The following LRRTM4 variants were observed in gnomAD, a reference collection of about 807,000 sequenced individuals.
LRRTM4 encodes leucine-rich repeat transmembrane neuronal protein 4.
A neutral mutation model predicts 47.6 loss-of-function variants in LRRTM4; 25 were observed. The ratio of observed to expected loss-of-function variants is 0.53; its 90% CI spans 0.38 to 0.73. The LOEUF (loss-of-function observed/expected upper bound fraction) is 0.73, where lower values mean the gene tolerates loss of function less well. LRRTM4 is among the 30% of genes least tolerant of loss of function. LRRTM4 has a pLI of 0.00. For missense variants in LRRTM4, 638 were observed against 713.4 expected (o/e 0.89, Z 1.20); for synonymous variants, 311 against 269.5 (o/e 1.15, Z -1.51).
chr2:77,056,183 A>C (rs1283391365), intron 3 of LRRTM4, among the ~76,000 whole-genome samples: 1 of 114,928 alleles, frequency 8.7e-6, no homozygotes, highest in Non-Finnish European at 1.7e-5. Flanking sequence ...TAAAACTTAA[A>C]GTATAATAAT....
chr2:76,841,140 C>T (rs930486970), intron 3 of LRRTM4, among the ~76,000 whole-genome samples: 1 of 151,254 alleles, frequency 6.6e-6, no homozygotes, highest in African/African-American at 2.4e-5. Flanking sequence ...ATGGATGAAG[C>T]TGGAAACCAC....
intron 3 of LRRTM4, among the ~76,000 whole-genome samples, chr2:77,502,914 G>A (rs1284430795): frequency 6.6e-6 from 1 of 151,412 alleles, no homozygotes; most frequent in Non-Finnish European, 1.5e-5. Flanking sequence ...ATTGTCCAAG[G>A]AGAAAGAATG....
At chr2:76,838,610 T>C (rs748554736) in intron 3 of LRRTM4, among the ~76,000 whole-genome samples, 7 of 152,106 alleles carry the variant, frequency 4.6e-5, no homozygotes, top group Admixed American at 6.6e-5. Flanking sequence ...AATGCCATTC[T>C]CTACTTGAAG....
intron 3 of LRRTM4, among the ~76,000 whole-genome samples, chr2:77,507,064 T>C (rs566349567): frequency 1.7e-4 from 26 of 152,192 alleles, no homozygotes; most frequent in East Asian, 5.8e-4. Flanking sequence ...GGTAATTATT[T>C]TGATTATTTT....
rs73940279 is a variant in LRRTM4 at position 77,064,071 on chromosome 2, T to A, written c.1552-315155A>T. Among the ~76,000 whole-genome samples, 1,112 of 152,314 alleles carry A rather than the reference T, an allele frequency of 7.3e-3. 14 individuals carry two copies. The highest frequency in any genetic ancestry group is 0.022 in the African/African-American group (934 of 41,574). On this transcript the variant is annotated intron_variant, in intron 3 of 3. Coordinates refer to ENST00000409884, the MANE Select transcript of LRRTM4 (RefSeq NM_001134745.3). The stretch of plus-strand genomic sequence containing the variant: ...CAAGAAATTCTTATAAGTTGTTCCT[T>A]ATTTTTTTTAAAAATGTAACTATGC...
At chr2:77,447,650 G>A (rs902706286) in intron 3 of LRRTM4, among the ~76,000 whole-genome samples, 1 of 151,994 alleles carries the variant, frequency 6.6e-6, no homozygotes, top group Non-Finnish European at 1.5e-5. Context: ...CATTCAACAC[G>A]TATGCAACTG....
chr2:76,902,898 T>C (rs1483793654), intron 3 of LRRTM4, among the ~76,000 whole-genome samples: 1 of 152,224 alleles, frequency 6.6e-6, no homozygotes, highest in Non-Finnish European at 1.5e-5. Context: ...TTACCATTTC[T>C]TGGTGTGTTT....
intron 3 of LRRTM4, among the ~76,000 whole-genome samples, chr2:77,265,261 T>A (rs548963353): frequency 6.6e-6 from 1 of 152,254 alleles, no homozygotes; most frequent in East Asian, 1.9e-4. Context: ...TAGCTATGGT[T>A]TGAATGTGTC....
chr2:77,359,743 T>A lies in LRRTM4; in HGVS notation c.1551+158575A>T, dbSNP rs570506932. 3.2e-4 allele frequency among the ~76,000 whole-genome samples: 48 copies of A among 152,304 alleles called. 1 individual carries two copies. The South Asian group carries it at 9.3e-3, about 30-fold the overall frequency. The stretch of plus-strand genomic sequence containing the variant: ...ATTGCCTTAAGCCTAATTTTTTCTT[T>A]TCAACTAATAGATGTGGACAGTCAT... On this transcript the variant is annotated intron_variant, in intron 3 of 3. Transcript: ENST00000409884.
chr2:76,802,448 A>G (rs1675749772), intron 3 of LRRTM4, among the ~76,000 whole-genome samples: 2 of 152,134 alleles, frequency 1.3e-5, no homozygotes, highest in Admixed American at 6.6e-5. Flanking sequence ...AACAAAAATA[A>G]TTGATAAAAT....
intron 3 of LRRTM4, among the ~76,000 whole-genome samples, chr2:77,049,662 TTGAG>T (rs1487567808): frequency 6.6e-6 from 1 of 151,356 alleles, no homozygotes; most frequent in Admixed American, 6.6e-5. Flanking sequence ...GTTGACTTGC[TTGAG>T]TTTCTTATTT....
intron 3 of LRRTM4, among the ~76,000 whole-genome samples, chr2:77,295,655 C>T (rs1421417158): frequency 6.6e-6 from 1 of 152,112 alleles, no homozygotes; most frequent in Non-Finnish European, 1.5e-5. Flanking sequence ...TTGGTACTTT[C>T]TGAAGACTGA....
intron 3 of LRRTM4, among the ~76,000 whole-genome samples, chr2:76,908,923 G>A (rs1245148326): frequency 6.6e-6 from 1 of 152,164 alleles, no homozygotes; most frequent in African/African-American, 2.4e-5. Context: ...ACTGCCCAAG[G>A]TAATTGATAG....
At chr2:76,898,467 C>T (rs142189796) in intron 3 of LRRTM4, among the ~76,000 whole-genome samples, 196 of 149,052 alleles carry the variant, frequency 1.3e-3, no homozygotes, top group African/African-American at 4.7e-3. Context: ...GCAGGAGAAT[C>T]GCTTGAACCC....
chr2:76,807,913 T>A (rs897442612), intron 3 of LRRTM4, among the ~76,000 whole-genome samples: 2 of 145,618 alleles, frequency 1.4e-5, no homozygotes, highest in Middle Eastern at 3.4e-3. Flanking sequence ...TTCTTTCTTT[T>A]CTTTCCTTTC....
chr2:77,051,102 T>G (rs1408665246), intron 3 of LRRTM4, among the ~76,000 whole-genome samples: 1 of 151,958 alleles, frequency 6.6e-6, no homozygotes, highest in Non-Finnish European at 1.5e-5. Context: ...GGATATTTGG[T>G]AATGTCTGCA....
intron 3 of LRRTM4, among the ~76,000 whole-genome samples, chr2:77,320,768 GA>G (rs890231837): frequency 7.3e-5 from 11 of 151,670 alleles, no homozygotes; most frequent in Admixed American, 5.9e-4. Context: ...AATACACAGA[GA>G]AAAAAATGTA....
rs368994266 is a variant in LRRTM4, at chr2:77,346,722, T to C, written c.1551+171596A>G. Among the ~76,000 whole-genome samples, 73 of 152,180 alleles carry C rather than the reference T, an allele frequency of 4.8e-4. 1 individual carries two copies. In the South Asian group the frequency reaches 0.015, roughly 31 times the overall value. On this transcript the variant is annotated intron_variant, in intron 3 of 3. Coordinates refer to ENST00000409884, the MANE Select transcript of LRRTM4 (RefSeq NM_001134745.3). ...TTTAACATTGTTTAATTCCATGAAA[T>C]TTAACTAAGAATAGGGGTTTCATTA... is the stretch of plus-strand genomic sequence containing the variant.
chr2:77,320,525 A>G (rs114100471), intron 3 of LRRTM4, among the ~76,000 whole-genome samples: 5,169 of 152,288 alleles, frequency 0.034, 286 homozygotes, highest in African/African-American at 0.11. Context: ...TTAAATTAAG[A>G]AAGTCTGTCT....
Sources: gnomAD v4.1 joint callset for allele counts (sites outside exome capture counted in the v4.1 genomes callset) on GRCh38, gnomAD v4.1.1 for gene constraint, MANE v1.5 for transcripts, NCBI Gene and HGNC (gene_info 2026-07-23, HGNC 2026-07-21) for gene names.